The following FBN2 variants were observed in gnomAD, a reference collection of about 807,000 sequenced individuals.
FBN2 encodes fibrillin-2.
FBN2 carries 105 observed loss-of-function variants against 355.6 expected under a neutral mutation model. The ratio of observed to expected loss-of-function variants is 0.30; its 90% CI spans 0.25 to 0.35. FBN2 has a LOEUF of 0.35. Ranked by LOEUF, FBN2 falls within the 10% of genes least tolerant of loss-of-function variation. FBN2 has a pLI of 1.00. For missense variants in FBN2, 3,280 were observed against 3,758.7 expected (o/e 0.87, Z 3.33); for synonymous variants, 1,350 against 1,301.2 (o/e 1.04, Z -0.81).
intron 25 of FBN2, among the ~76,000 whole-genome samples, chr5:128,342,420 A>ACAGAG (rs1751048420): frequency 6.6e-6 from 1 of 152,118 alleles, no homozygotes; most frequent in Admixed American, 6.5e-5. Flanking sequence ...TGCCTGAGTG[A>ACAGAG]CAGAGGGCAA....
rs371658695 is a variant in FBN2, at chr5:128,287,351, G to A, written c.6837C>T (p.Cys2279=). Residue 2279 remains cysteine, a synonymous_variant, in exon 54 of 65, where the codon TGC becomes TGT. Coordinates refer to ENST00000262464, the MANE Select transcript of FBN2 (RefSeq NM_001999.4). ...MNTFGSYECT[C]PIGYALREDQ... ...CTTCCCTGAGGGCATAGCCAATCGGGCACGTGCATTCATAGGACCCAAAAG... is the reference window on the plus strand; with the variant it reads ...CTTCCCTGAGGGCATAGCCAATCGGACACGTGCATTCATAGGACCCAAAAG... The A allele has an allele frequency of 2.5e-6, 4 of 1,613,844 alleles. No homozygotes were observed. Among genetic ancestry groups the A allele is most frequent in the African/African-American group, 2.7e-5 (2 of 74,902 alleles).
intron 6 of FBN2, among the ~76,000 whole-genome samples, chr5:128,454,565 T>A (rs1452062949): frequency 6.6e-6 from 1 of 152,206 alleles, no homozygotes; most frequent in South Asian, 2.1e-4. Flanking sequence ...GAAATAACTT[T>A]CTACTCAGGG....
At chr5:128,351,491 G>A (rs1226953908) in intron 20 of FBN2, among the ~76,000 whole-genome samples, 1 of 151,568 alleles carries the variant, frequency 6.6e-6, no homozygotes, top group African/African-American at 2.4e-5. Context: ...AGGTTGCAGT[G>A]AGCCAAGATT....
intron 6 of FBN2, among the ~76,000 whole-genome samples, chr5:128,456,812 A>T (rs1478670477): frequency 6.6e-6 from 1 of 152,170 alleles, no homozygotes; most frequent in Non-Finnish European, 1.5e-5. Flanking sequence ...AGCAGCTGCA[A>T]AGACAGAAAC....
In FBN2 at chr5:128,361,819, G is replaced by A. The variant is rs759470802; in HGVS notation, c.2458C>T (p.Leu820Phe). 9.9e-6 allele frequency: 16 copies of A among 1,613,974 alleles called. No individual in the cohort carries two copies. The African/African-American group carries it at 2.1e-4, about 22-fold the overall frequency. The change falls in exon 19 of 65, where the codon CTT becomes TTT. Residue 820 changes from leucine to phenylalanine, a missense_variant. This residue lies in a region of FBN2 where 2,284 missense variants were observed against 2,749.5 expected (regional missense o/e 0.83). Coordinates refer to ENST00000262464, the MANE Select transcript of FBN2 (RefSeq NM_001999.4). ...DIDECLVNRL[L>F]CDNGLCRNTP... ...TTTCGGCACAATCCGTTATCACAAA[G>A]CAGTCTGTTTACTAAACATTCATCA... is the stretch of plus-strand genomic sequence containing the variant.
At chr5:128,511,121 T>A (rs895885418) in intron 5 of FBN2, among the ~76,000 whole-genome samples, 40 of 152,374 alleles carry the variant, frequency 2.6e-4, no homozygotes, top group African/African-American at 8.9e-4. Context: ...ATTAAAAATC[T>A]AAGTTTTGTA....
In FBN2 at chr5:128,371,372, C is replaced by T. The variant is rs568971853; in HGVS notation, c.2096-2038G>A. The stretch of plus-strand genomic sequence containing the variant: ...TCTGGTGACAGACTGGACCTAAATG[C>T]ATCTTTTCCATATGTTAGCAGACTT... On this transcript the variant is annotated intron_variant, in intron 15 of 64. Transcript: ENST00000262464. Among the ~76,000 whole-genome samples, 205 of 152,236 alleles carry T rather than the reference C, an allele frequency of 1.3e-3. 2 individuals carry two copies. Among genetic ancestry groups the T allele is most frequent in the African/African-American group, 3.8e-3 (157 of 41,524 alleles).
intron 16 of FBN2, among the ~76,000 whole-genome samples, chr5:128,368,455 CACATATATAT>C (rs148416062): frequency 0.067 from 8,778 of 131,628 alleles, 976 homozygotes; most frequent in African/African-American, 0.24. Context: ...CATATATATA[CACATATATAT>C]ACATATATAT....
At chr5:128,306,991 G>C in intron 42 of FBN2, 144 bp downstream of exon 42, 1 of 650,532 alleles carries the variant, frequency 1.5e-6, no homozygotes, top group South Asian at 1.8e-5. Flanking sequence ...CTGTAAGCCT[G>C]TTATTTCTCT....
chr5:128,488,968 C>T (rs574540620), intron 5 of FBN2, among the ~76,000 whole-genome samples: 6 of 152,206 alleles, frequency 3.9e-5, no homozygotes, highest in African/African-American at 7.2e-5. Context: ...CAAACGTGCA[C>T]GTGTGTCTTT....
At chr5:128,263,383 A>T (rs774697295) in intron 63 of FBN2, 42 bp downstream of exon 63, 37 of 1,477,782 alleles carry the variant, frequency 2.5e-5, no homozygotes, top group Admixed American at 1.0e-4. Context: ...TCACTCAGGA[A>T]CCATGTATTC....
intron 5 of FBN2, among the ~76,000 whole-genome samples, chr5:128,465,903 A>C (rs1264355401): frequency 6.6e-6 from 1 of 152,132 alleles, no homozygotes; most frequent in African/African-American, 2.4e-5. Context: ...TGACCCACTA[A>C]CCCAGGTTCT....
chr5:128,278,991 A>C, intron 56 of FBN2, 150 bp from the exon 57 acceptor site: 2 of 711,082 alleles, frequency 2.8e-6, no homozygotes, highest in South Asian at 3.1e-5. Flanking sequence ...CTGGCAGTTA[A>C]GTTCATAGCA....
At chr5:128,491,112 A>T (rs1755491474) in intron 5 of FBN2, among the ~76,000 whole-genome samples, 1 of 152,216 alleles carries the variant, frequency 6.6e-6, no homozygotes, top group African/African-American at 2.4e-5. Context: ...CTAATGTTAC[A>T]GATTTTCAGG....
intron 54 of FBN2, 50 bp from the exon 55 acceptor site, chr5:128,286,899 A>G: frequency 6.4e-7 from 1 of 1,560,646 alleles, no homozygotes; most frequent in African/African-American, 1.4e-5. Context: ...GCTGTAGTTT[A>G]GTACTTTTAA....
At chr5:128,455,798 A>G (rs1754367131) in intron 6 of FBN2, among the ~76,000 whole-genome samples, 1 of 151,752 alleles carries the variant, frequency 6.6e-6, no homozygotes, top group South Asian at 2.1e-4. Flanking sequence ...GCAACCCACG[A>G]ATCGGAGGAT....
intron 33 of FBN2, among the ~76,000 whole-genome samples, chr5:128,330,121 TC>T (rs1052537335): frequency 5.7e-4 from 87 of 152,334 alleles, no homozygotes; most frequent in African/African-American, 2.0e-3. Flanking sequence ...TGAACAGTTT[TC>T]CCATGCCATT....
At chr5:128,520,933 G>A (rs972690891) in intron 4 of FBN2, among the ~76,000 whole-genome samples, 1 of 151,860 alleles carries the variant, frequency 6.6e-6, no homozygotes, top group Non-Finnish European at 1.5e-5. Flanking sequence ...AAAGGAAAAG[G>A]AAAAAAGGCC....
intron 7 of FBN2, among the ~76,000 whole-genome samples, chr5:128,441,490 G>C (rs1156531717): frequency 2.6e-5 from 4 of 152,280 alleles, no homozygotes; most frequent in South Asian, 4.1e-4. Flanking sequence ...TTGTGCCTCA[G>C]TTTTTTCATC....
Sources: allele counts gnomAD v4.1 joint callset (sites outside exome capture counted in the v4.1 genomes callset), GRCh38; gene constraint gnomAD v4.1.1; regional missense constraint gnomAD v4.1.1; transcripts MANE v1.5; gene names NCBI Gene and HGNC (gene_info 2026-07-23, HGNC 2026-07-21).